Variants in KCNH8 observed in about 807,000 individuals in gnomAD.
The protein encoded by KCNH8 is voltage-gated delayed rectifier potassium channel KCNH8.
In KCNH8, 70 loss-of-function variants were observed where a neutral mutation model predicts 103.6. That is an observed-to-expected ratio of 0.68 (90% confidence interval 0.56 to 0.82). The LOEUF (loss-of-function observed/expected upper bound fraction) is 0.82. Among genes scored for constraint, KCNH8 ranks in the 40% least tolerant of loss-of-function variants. KCNH8 has a pLI of 0.00. For missense variants in KCNH8, 1,217 were observed against 1,329.9 expected (o/e 0.92, Z 1.32); for synonymous variants, 498 against 489.4 (o/e 1.02, Z -0.23).
chr3:19,516,279 T>G (rs572770706), intron 14 of KCNH8, among the ~76,000 whole-genome samples: 4 of 152,204 alleles, frequency 2.6e-5, no homozygotes, highest in Admixed American at 1.3e-4. Flanking sequence ...CATTTGAATA[T>G]ACAGTTCTGG....
At chr3:19,161,098 C>G (rs991243957) in intron 1 of KCNH8, among the ~76,000 whole-genome samples, 1 of 152,108 alleles carries the variant, frequency 6.6e-6, no homozygotes, top group Non-Finnish European at 1.5e-5. Flanking sequence ...AAAAATTGTG[C>G]TAGTTTTGCT....
At chr3:19,419,731 G>A (rs2066922832) in intron 7 of KCNH8, among the ~76,000 whole-genome samples, 1 of 151,712 alleles carries the variant, frequency 6.6e-6, no homozygotes, top group Admixed American at 6.6e-5. Context: ...AAAAAATGGT[G>A]GATTCACATC....
At chr3:19,260,334 T>G (rs1009543539) in intron 2 of KCNH8, among the ~76,000 whole-genome samples, 2 of 151,060 alleles carry the variant, frequency 1.3e-5, no homozygotes, top group Non-Finnish European at 3.0e-5. Flanking sequence ...ATATTCAGTC[T>G]TATGATTTCA....
intron 1 of KCNH8, among the ~76,000 whole-genome samples, chr3:19,171,500 G>A (rs949270245): frequency 6.6e-6 from 1 of 152,190 alleles, no homozygotes; most frequent in Middle Eastern, 3.4e-3. Flanking sequence ...TTTAAGGGTT[G>A]ATGAACATGG....
In KCNH8 at chr3:19,500,663, C is replaced by A. The variant is rs559342872; in HGVS notation, c.2041-9700C>A. Among the ~76,000 whole-genome samples the A allele has an allele frequency of 5.9e-5, 9 of 152,276 alleles. No individual in the cohort carries two copies. The South Asian group carries it at 1.7e-3, about 28-fold the overall frequency. ...CGCTCAACTACATGGAACTGAACAA[C>A]CTGCTCCTCAATGACTACTGGGTAC... On this transcript the variant is annotated intron_variant, in intron 11 of 15. Transcript: ENST00000328405.
At chr3:19,161,958 T>A (rs1436761743) in intron 1 of KCNH8, among the ~76,000 whole-genome samples, 1 of 151,822 alleles carries the variant, frequency 6.6e-6, no homozygotes. Flanking sequence ...ACGTGGTTTC[T>A]TTTTTTTAAT....
intron 3 of KCNH8, among the ~76,000 whole-genome samples, chr3:19,328,434 A>C (rs1266863449): frequency 1.3e-5 from 2 of 152,098 alleles, no homozygotes; most frequent in Non-Finnish European, 2.9e-5. Flanking sequence ...GGTCTTTTAA[A>C]CCATGTATCC....
chr3:19,276,283 A>G (rs2064670384), intron 2 of KCNH8, among the ~76,000 whole-genome samples: 1 of 151,732 alleles, frequency 6.6e-6, no homozygotes, highest in South Asian at 2.1e-4. Flanking sequence ...ATTAAGTAGC[A>G]CTGAGACAAT....
chr3:19,204,699 G>A (rs1296119711), intron 1 of KCNH8, among the ~76,000 whole-genome samples: 2 of 152,002 alleles, frequency 1.3e-5, no homozygotes, highest in Non-Finnish European at 2.9e-5. Context: ...GTATTTTTAT[G>A]ATAGCCATAA....
intron 2 of KCNH8, among the ~76,000 whole-genome samples, chr3:19,258,961 A>AGG (rs2064389512): frequency 7.6e-6 from 1 of 132,402 alleles, no homozygotes; most frequent in Non-Finnish European, 1.6e-5. Flanking sequence ...ATATATATAT[A>AGG]TATATATATA....
chr3:19,276,976 G>C (rs2064682180), intron 2 of KCNH8, among the ~76,000 whole-genome samples: 1 of 152,094 alleles, frequency 6.6e-6, no homozygotes, highest in Admixed American at 6.5e-5. Context: ...TCAAGGTATG[G>C]ATAAAGTGTG....
chr3:19,444,883 C>G (rs993217210), intron 8 of KCNH8, among the ~76,000 whole-genome samples: 3 of 151,956 alleles, frequency 2.0e-5, no homozygotes, highest in African/African-American at 7.2e-5. Flanking sequence ...ACCTCCTCTC[C>G]TATACTGTTG....
intron 3 of KCNH8, among the ~76,000 whole-genome samples, chr3:19,288,836 A>T: frequency 6.6e-6 from 1 of 152,218 alleles, no homozygotes; most frequent in Non-Finnish European, 1.5e-5. Flanking sequence ...ACTAGTTTGC[A>T]GTCCCACCAA....
At chr3:19,472,486 T>C (rs760155683) in intron 11 of KCNH8, among the ~76,000 whole-genome samples, 1 of 152,148 alleles carries the variant, frequency 6.6e-6, no homozygotes, top group Non-Finnish European at 1.5e-5. Flanking sequence ...GATTGTTTTA[T>C]AAGGAGTTTC....
At chr3:19,264,819 T>G (rs561326303) in intron 2 of KCNH8, among the ~76,000 whole-genome samples, 231 of 152,126 alleles carry the variant, frequency 1.5e-3, no homozygotes, top group Non-Finnish European at 2.8e-3. Context: ...AGGAATATCC[T>G]ATTACTATCA....
At position 19,198,111 on chromosome 3, in the gene KCNH8, C is replaced by G. The variant is rs143261592; in HGVS notation, c.76+49316C>G. Among the ~76,000 whole-genome samples, 4 of 152,002 alleles carry G rather than the reference C, an allele frequency of 2.6e-5. No individual in the cohort carries two copies. The South Asian group carries it at 8.3e-4, about 32-fold the overall frequency. On this transcript the variant is annotated intron_variant, in intron 1 of 15. Coordinates refer to ENST00000328405, the MANE Select transcript of KCNH8 (RefSeq NM_144633.3). The stretch of plus-strand genomic sequence containing the variant: ...CAATTGCAAACATTTATTGAGTATT[C>G]GTCATGTGCCTGACATAGAGATAAA...
chr3:19,449,262 G>T (rs2067407624), intron 8 of KCNH8, among the ~76,000 whole-genome samples: 1 of 147,702 alleles, frequency 6.8e-6, no homozygotes, highest in Non-Finnish European at 1.5e-5. Flanking sequence ...ATACTATCTG[G>T]TTGACAAACC....
chr3:19,429,013 T>C (rs1428629197), intron 7 of KCNH8, among the ~76,000 whole-genome samples: 4 of 152,154 alleles, frequency 2.6e-5, no homozygotes, highest in African/African-American at 9.7e-5. Flanking sequence ...CTGTGTTTAC[T>C]TCAAGGCCAA....
At chr3:19,512,264 C>A (rs2068795981) in intron 12 of KCNH8, among the ~76,000 whole-genome samples, 1 of 152,154 alleles carries the variant, frequency 6.6e-6, no homozygotes, top group Admixed American at 6.6e-5. Context: ...CTTTCCTCTT[C>A]TTAGTCTACA....
Sources: gnomAD v4.1 joint callset for allele counts (sites outside exome capture counted in the v4.1 genomes callset) on GRCh38, gnomAD v4.1.1 for gene constraint, MANE v1.5 for transcripts, NCBI Gene and HGNC (gene_info 2026-07-23, HGNC 2026-07-21) for gene names.